The following GDF10 variants were observed in gnomAD, a reference collection of about 807,000 sequenced individuals.
GDF10 encodes growth/differentiation factor 10.
In GDF10, 23 loss-of-function variants were observed where a neutral mutation model predicts 32.1. That is an observed-to-expected ratio of 0.72 (90% CI 0.52 to 1.02). GDF10 has a LOEUF of 1.02. GDF10 is among the 50% of genes least tolerant of loss of function. GDF10 has a pLI of 0.00. For missense variants in GDF10, 764 were observed against 673.9 expected (o/e 1.13, Z -1.48); for synonymous variants, 328 against 303.1 (o/e 1.08, Z -0.85).
Position 47,300,670 on chromosome 10 carries a change from C to G in GDF10, c.19C>G (p.Arg7Gly), listed in dbSNP as rs782506765. 1.2e-6 allele frequency: 2 copies of G among 1,600,392 alleles called. No individual in the cohort carries two copies. Among genetic ancestry groups the G allele is most frequent in the East Asian group, 4.6e-5 (2 of 43,732 alleles). Residue 7 changes from arginine (R) to glycine (G), a missense_variant, in exon 1 of 3, where the codon CGG (arginine) becomes GGG (glycine). Physicochemically the swap from Arg to Gly is moderately radical, Grantham distance 125 (BLOSUM62 -2). Transcript: ENST00000580279. ...CCACGCCATGGCTCATGTCCCCGCT[C>G]GGACCAGCCCGGGACCCGGGCCCCA... The part of the protein sequence containing the change: MAHVPA[R>G]TSPGPGPQLL...
In GDF10 at chr10:47,309,917, G is replaced by A. The variant is rs781802132; in HGVS notation, c.441G>A (p.Glu147=). ...CGCCTCGGTGGCCTCGAGCGCTCGA[G>A]GTGCTATGCAAGCCGCGGGCCAAGA... The part of the protein sequence containing the change: ...SEPPRWPRAL[E]VLCKPRAKNA... The change falls in exon 2 of 3, where the codon GAG becomes GAA. Residue 147 remains glutamate, a synonymous_variant. Coordinates refer to ENST00000580279, the MANE Select transcript of GDF10 (RefSeq NM_004962.5). 3 of 1,612,918 alleles carry A rather than the reference G, an allele frequency of 1.9e-6. No homozygotes were observed. In the East Asian group the frequency reaches 6.7e-5, roughly 36 times the overall value.
chr10:47,312,402 A>G (rs1365026795), intron 2 of GDF10, among the ~76,000 whole-genome samples, 199 bp from the exon 3 acceptor site: 1 of 152,084 alleles, frequency 6.6e-6, no homozygotes, highest in African/African-American at 2.4e-5. Flanking sequence ...TCAGCCCGGA[A>G]CTCAGCGTAT....
intron 1 of GDF10, among the ~76,000 whole-genome samples, chr10:47,304,050 C>T (rs1391368350): frequency 2.6e-5 from 4 of 152,142 alleles, no homozygotes; most frequent in Non-Finnish European, 5.9e-5. Context: ...GGCGCACTGA[C>T]CTGGCAGGGG....
At chr10:47,308,252 A>T (rs2853838) in intron 1 of GDF10, among the ~76,000 whole-genome samples, 4 of 151,974 alleles carry the variant, frequency 2.6e-5, no homozygotes, top group Non-Finnish European at 5.9e-5. Context: ...ATTGTTATGC[A>T]GTCAAGGCCA....
Position 47,309,907 on chromosome 10 carries a change from G to T in GDF10, c.431G>T (p.Arg144Leu), listed in dbSNP as rs537744290. 9 of 1,612,850 alleles carry T rather than the reference G, an allele frequency of 5.6e-6. No homozygotes were observed. Among genetic ancestry groups the T allele is most frequent in the Non-Finnish European group, 7.6e-6 (9 of 1,179,902 alleles). The part of the protein sequence containing the change: ...HFYSEPPRWP[R>L]ALEVLCKPRA... ...TACTCAGAGCCGCCTCGGTGGCCTC[G>T]AGCGCTCGAGGTGCTATGCAAGCCG... is the stretch of plus-strand genomic sequence containing the variant. The change falls in exon 2 of 3, where the codon CGA becomes CTA. Residue 144 changes from arginine to leucine, a missense_variant. Transcript: ENST00000580279.
At chr10:47,304,792 C>T (rs1165038065) in intron 1 of GDF10, among the ~76,000 whole-genome samples, 7 of 152,048 alleles carry the variant, frequency 4.6e-5, no homozygotes, top group Admixed American at 3.9e-4. Context: ...TTTTTCATTA[C>T]TGGTCATCTT....
intron 2 of GDF10, among the ~76,000 whole-genome samples, chr10:47,311,588 T>A (rs2061046299): frequency 6.6e-6 from 1 of 152,252 alleles, no homozygotes; most frequent in Non-Finnish European, 1.5e-5. Flanking sequence ...ATTAAATGGC[T>A]TCTCCTCAAA....
chr10:47,300,293 G>A lies in GDF10; in HGVS notation c.-359G>A. ...CGCGCAGCCGGGTCCCCTCGAGGGC[G>A]CAGCCGGCCGCCCCGCCCCGCCCCT... On this transcript the variant is annotated 5_prime_UTR_variant, in exon 1 of 3. Transcript: ENST00000580279. 1 of 192,326 alleles carries A rather than the reference G, an allele frequency of 5.2e-6. No homozygotes were observed. Among genetic ancestry groups the A allele is most frequent in the Non-Finnish European group, 1.1e-5 (1 of 95,046 alleles). The allele number at this position is 192,326 out of a possible 1,614,324, so 11.9% of individuals were successfully genotyped here.
chr10:47,304,507 A>G (rs565995669), intron 1 of GDF10, among the ~76,000 whole-genome samples: 1 of 152,284 alleles, frequency 6.6e-6, no homozygotes, highest in African/African-American at 2.4e-5. Context: ...ATAGAAGATC[A>G]CAGTAAAGAA....
chr10:47,310,233 A>G lies in GDF10; in HGVS notation c.757A>G (p.Ile253Val), dbSNP rs781836933. The change falls in exon 2 of 3, where the codon ATC becomes GTC. Residue 253 changes from isoleucine (I) to valine (V), a missense_variant. Transcript: ENST00000580279. ...YILVYANDLA[I>V]SEPNSVAVTL... ...CCTAGTCTATGCCAACGATCTGGCC[A>G]TCTCGGAGCCCAACAGCGTGGCAGT... 1.6e-5 allele frequency: 26 copies of G among 1,610,464 alleles called. No homozygotes were observed. Among genetic ancestry groups the G allele is most frequent in the Non-Finnish European group, 2.2e-5 (26 of 1,178,626 alleles).
intron 1 of GDF10, among the ~76,000 whole-genome samples, chr10:47,301,571 C>T (rs547183244): frequency 6.6e-6 from 1 of 152,346 alleles, no homozygotes; most frequent in African/African-American, 2.4e-5. Flanking sequence ...TCTCCGGCCT[C>T]TGTCCCACCT....
chr10:47,312,608 G>T lies in GDF10; in HGVS notation c.1253G>T (p.Arg418Leu). The T allele has an allele frequency of 6.3e-7, 1 of 1,581,954 alleles. No individual in the cohort carries two copies. The highest frequency in any genetic ancestry group is 1.2e-5 in the South Asian group (1 of 85,226). The change falls in exon 3 of 3, where the codon CGT becomes CTT. Residue 418 changes from arginine to leucine, a missense_variant. Transcript: ENST00000580279. ...TCCTTTTCTGCCTTGCAGATCGTTC[G>T]TCCATCCAACCATGCCACCATCCAG... ...ACEFPMPKIV[R>L]PSNHATIQSI...
chr10:47,310,421 A>G lies in GDF10; in HGVS notation c.945A>G (p.Ala315=), dbSNP rs35421500. Residue 315 remains alanine (A), a synonymous_variant, in exon 2 of 3, where the codon GCA becomes GCG. Coordinates refer to ENST00000580279, the MANE Select transcript of GDF10 (RefSeq NM_004962.5). ...GLDERPPRAH[A]QHFHKHQLWP... The stretch of plus-strand genomic sequence containing the variant: ...ATGAGAGGCCGCCGCGCGCCCACGC[A>G]CAGCACTTCCACAAGCACCAGCTGT... 42,038 of 1,612,312 alleles carry G rather than the reference A, an allele frequency of 0.026. 1,533 individuals are homozygous for G. Among genetic ancestry groups the G allele is most frequent in the East Asian group, 0.11 (5,145 of 44,840 alleles).
intron 2 of GDF10, among the ~76,000 whole-genome samples, chr10:47,311,822 C>T (rs532578859): frequency 6.3e-4 from 96 of 152,338 alleles, no homozygotes; most frequent in Non-Finnish European, 1.2e-3. Context: ...CTGCCCTGCT[C>T]CCTTCCCACC....
Position 47,300,944 on chromosome 10 carries a change from C to G in GDF10, c.293C>G (p.Thr98Arg), listed in dbSNP as rs1555206808. Residue 98 changes from threonine to arginine, a missense_variant, in exon 1 of 3, where the codon ACG (threonine) becomes AGG (arginine). By Grantham distance (71) the Thr-to-Arg change is moderately conservative. Transcript: ENST00000580279. ...GGCGCGCGGCCGGGAGGGGGCAACACGGTCCGCAGCTTCAGGGCCAGGCTG... is the reference window on the plus strand; with the variant it reads ...GGCGCGCGGCCGGGAGGGGGCAACAGGGTCCGCAGCTTCAGGGCCAGGCTG... ...RQGARPGGGN[T>R]VRSFRARLEV... The G allele has an allele frequency of 6.6e-7, 1 of 1,520,548 alleles. No individual in the cohort carries two copies. The highest frequency in any genetic ancestry group is 8.8e-7 in the Non-Finnish European group (1 of 1,140,964). 94.2% of individuals were successfully genotyped at this position (1,520,548 alleles called of 1,614,324 possible).
chr10:47,303,032 G>C (rs2061009949), intron 1 of GDF10, among the ~76,000 whole-genome samples: 1 of 152,192 alleles, frequency 6.6e-6, no homozygotes, highest in African/African-American at 2.4e-5. Flanking sequence ...GCATACAGTG[G>C]GGGCCCAGGC....
In GDF10 at chr10:47,313,492, A is replaced by G. The variant is rs1555207961; in HGVS notation, c.*700A>G. ...TAACCAAGATTTTATATTTTTGTAA[A>G]TTATACTTTCTATACTGTAGATTGT... On this transcript the variant is annotated 3_prime_UTR_variant, in exon 3 of 3. Coordinates refer to ENST00000580279, the MANE Select transcript of GDF10 (RefSeq NM_004962.5). 1 of 152,640 alleles carries G rather than the reference A, an allele frequency of 6.6e-6. No individual in the cohort carries two copies. Among genetic ancestry groups the G allele is most frequent in the African/African-American group, 2.4e-5 (1 of 41,450 alleles). The allele number at this position is 152,640 out of a possible 1,614,324, so 9.5% of individuals were successfully genotyped here.
chr10:47,308,350 C>G (rs931691534), intron 1 of GDF10, among the ~76,000 whole-genome samples: 1 of 152,144 alleles, frequency 6.6e-6, no homozygotes, highest in Non-Finnish European at 1.5e-5. Flanking sequence ...GTGACACTGT[C>G]CTGGCAGGTT....
chr10:47,312,960 G>A lies in GDF10; in HGVS notation c.*168G>A. On this transcript the variant is annotated 3_prime_UTR_variant, in exon 3 of 3. Coordinates refer to ENST00000580279, the MANE Select transcript of GDF10 (RefSeq NM_004962.5). ...GTGCATCATTAGGGGGTCTTTCATTGCTAGTGACTAGCCCCTTAAATGCCA... is the reference window on the plus strand; with the variant it reads ...GTGCATCATTAGGGGGTCTTTCATTACTAGTGACTAGCCCCTTAAATGCCA... The A allele has an allele frequency of 2.2e-6, 1 of 460,572 alleles. No homozygotes were observed. The highest frequency in any genetic ancestry group is 3.4e-5 in the East Asian group (1 of 29,606). 28.5% of individuals were successfully genotyped at this position (460,572 alleles called of 1,614,324 possible). A position where few individuals can be genotyped will look rare whatever the true frequency, so the allele number is the denominator to read the frequency against.
Sources: allele counts gnomAD v4.1 joint callset (sites outside exome capture counted in the v4.1 genomes callset), GRCh38; gene constraint gnomAD v4.1.1; transcripts MANE v1.5; gene names NCBI Gene and HGNC (gene_info 2026-07-23, HGNC 2026-07-21).